The following PPP1R9A variants were observed in gnomAD, a reference collection of about 807,000 sequenced individuals.
The protein encoded by PPP1R9A is neurabin-1.
In PPP1R9A, 59 loss-of-function variants were observed where a neutral mutation model predicts 141.9. The ratio of observed to expected loss-of-function variants is 0.42; its 90% CI spans 0.34 to 0.52. The LOEUF is 0.52. Ranked by LOEUF, PPP1R9A falls within the 20% of genes least tolerant of loss-of-function variation. PPP1R9A has a pLI of 0.10. For missense variants in PPP1R9A, 1,444 were observed against 1,611.9 expected (o/e 0.90, Z 1.78); for synonymous variants, 500 against 569.7 (o/e 0.88, Z 1.74).
At chr7:94,949,271 A>G (rs1017858272) in intron 2 of PPP1R9A, among the ~76,000 whole-genome samples, 19 of 152,090 alleles carry the variant, frequency 1.2e-4, no homozygotes, top group Non-Finnish European at 2.6e-4. Context: ...CAAAACTCTC[A>G]TATGCCTTTT....
At chr7:94,995,336 G>A (rs1584178480) in intron 2 of PPP1R9A, among the ~76,000 whole-genome samples, 1 of 151,848 alleles carries the variant, frequency 6.6e-6, no homozygotes, top group South Asian at 2.1e-4. Context: ...GGATCTATGG[G>A]TTTAGAGTTT....
intron 12 of PPP1R9A, among the ~76,000 whole-genome samples, chr7:95,262,912 C>A (rs919562712): frequency 2.6e-5 from 4 of 152,146 alleles, no homozygotes; most frequent in African/African-American, 9.7e-5. Flanking sequence ...GATACCCTTC[C>A]TCCATAACCG....
chr7:95,053,069 G>A (rs1381324862), intron 2 of PPP1R9A, among the ~76,000 whole-genome samples: 1 of 152,114 alleles, frequency 6.6e-6, no homozygotes, highest in Admixed American at 6.5e-5. Flanking sequence ...TGCCTTCATG[G>A]AGCCTGTTTC....
chr7:94,911,797 T>G (rs913834676), intron 2 of PPP1R9A, among the ~76,000 whole-genome samples: 5 of 152,190 alleles, frequency 3.3e-5, no homozygotes, highest in Non-Finnish European at 7.3e-5. Flanking sequence ...GTATGAGTAT[T>G]GTGAGTACTG....
chr7:94,919,162 C>T (rs973190849), intron 2 of PPP1R9A, among the ~76,000 whole-genome samples: 27 of 152,216 alleles, frequency 1.8e-4, no homozygotes, highest in African/African-American at 6.5e-4. Context: ...CAGGGTCTTG[C>T]CCTGTTGCTC....
At chr7:95,067,659 C>T (rs1042173210) in intron 2 of PPP1R9A, among the ~76,000 whole-genome samples, 5 of 152,038 alleles carry the variant, frequency 3.3e-5, no homozygotes, top group Non-Finnish European at 7.4e-5. Context: ...AGATTCCCCA[C>T]GGATACCAAA....
At chr7:94,937,409 C>A (rs960637213) in intron 2 of PPP1R9A, among the ~76,000 whole-genome samples, 1 of 152,190 alleles carries the variant, frequency 6.6e-6, no homozygotes, top group African/African-American at 2.4e-5. Flanking sequence ...TTGAACTGAA[C>A]TTGAAACTTG....
intron 12 of PPP1R9A, among the ~76,000 whole-genome samples, chr7:95,259,777 A>G (rs1800149899): frequency 6.6e-6 from 1 of 152,206 alleles, no homozygotes; most frequent in Admixed American, 6.5e-5. Flanking sequence ...CTTGCACTGC[A>G]TTATCAGGAG....
chr7:95,225,820 G>A, intron 7 of PPP1R9A, 141 bp from the exon 8 acceptor site: 1 of 743,172 alleles, frequency 1.3e-6, no homozygotes, highest in Non-Finnish European at 2.1e-6. Context: ...TTGGCTGCAT[G>A]AGGCATGCTT....
chr7:94,971,494 ATAACTCT>A (rs1798855148), intron 2 of PPP1R9A, among the ~76,000 whole-genome samples: 3 of 152,238 alleles, frequency 2.0e-5, no homozygotes, highest in South Asian at 4.1e-4. Context: ...TAAGTGTAAA[ATAACTCT>A]TAACTCTTAT....
intron 2 of PPP1R9A, among the ~76,000 whole-genome samples, chr7:94,961,747 T>C (rs34575523): frequency 0.098 from 14,897 of 151,930 alleles, 818 homozygotes; most frequent in East Asian, 0.17. Flanking sequence ...GGAAAATGTT[T>C]GCCCTTATCG....
At chr7:95,110,415 T>C (rs186182380) in intron 2 of PPP1R9A, among the ~76,000 whole-genome samples, 177 of 152,312 alleles carry the variant, frequency 1.2e-3, no homozygotes, top group Non-Finnish European at 2.2e-3. Context: ...TAATAATTAT[T>C]GAATTTTATT....
At chr7:95,115,878 C>G (rs1821407216) in intron 3 of PPP1R9A, among the ~76,000 whole-genome samples, 1 of 148,228 alleles carries the variant, frequency 6.7e-6, no homozygotes, top group Admixed American at 6.8e-5. Context: ...GACCACACCA[C>G]TGCACTCCAG....
At position 95,292,543 on chromosome 7, in the gene PPP1R9A, T is replaced by C. The variant is rs1465073306; in HGVS notation, c.*2240T>C. The C allele has an allele frequency of 6.6e-6, 1 of 152,504 alleles. No homozygotes were observed. The highest frequency in any genetic ancestry group is 1.5e-5 in the Non-Finnish European group (1 of 68,024). The allele number at this position is 152,504 out of a possible 1,614,324, so 9.4% of individuals were successfully genotyped here. On this transcript the variant is annotated 3_prime_UTR_variant, in exon 20 of 20. Coordinates refer to ENST00000433360, the MANE Select transcript of PPP1R9A (RefSeq NM_001166160.2). ...TGCACCTAATTTATGATCTATTATA[T>C]TGCATTTTCTTAAATATCTTAGAAG... is the stretch of plus-strand genomic sequence containing the variant.
chr7:95,091,037 C>A lies in PPP1R9A; in HGVS notation c.1396-20222C>A, dbSNP rs575168982. 1.3e-3 allele frequency among the ~76,000 whole-genome samples: 193 copies of A among 151,894 alleles called. 1 individual carries two copies. The highest frequency in any genetic ancestry group is 2.1e-3 in the Non-Finnish European group (142 of 68,008). On this transcript the variant is annotated intron_variant, in intron 2 of 19. Transcript: ENST00000433360. Reference sequence around the variant, plus strand: ...ATTCCATCATATCAATGTACCACTTCTTTAACCCTTCCTTTTTGACATTTA... The same window carrying A: ...ATTCCATCATATCAATGTACCACTTATTTAACCCTTCCTTTTTGACATTTA...
intron 6 of PPP1R9A, among the ~76,000 whole-genome samples, chr7:95,201,734 T>C (rs947156029): frequency 2.0e-5 from 3 of 152,232 alleles, no homozygotes; most frequent in African/African-American, 7.2e-5. Context: ...TTGATTAGTA[T>C]ATCTTTGTTA....
chr7:95,017,161 T>G (rs1244842010), intron 2 of PPP1R9A, among the ~76,000 whole-genome samples: 1 of 152,142 alleles, frequency 6.6e-6, no homozygotes, highest in African/African-American at 2.4e-5. Context: ...AACACCTTAA[T>G]TTTGGATTTC....
At chr7:95,152,280 C>T (rs1169557416) in intron 4 of PPP1R9A, among the ~76,000 whole-genome samples, 1 of 152,064 alleles carries the variant, frequency 6.6e-6, no homozygotes, top group African/African-American at 2.4e-5. Context: ...AGCATAATCT[C>T]TTAAAATCCC....
At chr7:94,958,596 G>A (rs543058539) in intron 2 of PPP1R9A, among the ~76,000 whole-genome samples, 324 of 152,040 alleles carry the variant, frequency 2.1e-3, no homozygotes, top group Non-Finnish European at 3.4e-3. Flanking sequence ...TAAATAATAG[G>A]TGTGCCCTAA....
Sources: gnomAD v4.1 joint callset for allele counts (sites outside exome capture counted in the v4.1 genomes callset) on GRCh38, gnomAD v4.1.1 for gene constraint, MANE v1.5 for transcripts, NCBI Gene and HGNC (gene_info 2026-07-23, HGNC 2026-07-21) for gene names.